Variants in CACNA1C observed in about 807,000 individuals in gnomAD.
CACNA1C encodes the protein voltage-dependent L-type calcium channel subunit alpha-1C.
In CACNA1C, 30 loss-of-function variants were observed where a neutral mutation model predicts 229.0. That is an observed-to-expected ratio of 0.13 (90% CI 0.10 to 0.18). The LOEUF (loss-of-function observed/expected upper bound fraction) is 0.18, where lower values mean the gene tolerates loss of function less well. Ranked by LOEUF, CACNA1C falls within the 10% of genes least tolerant of loss-of-function variation. The pLI, the probability that CACNA1C is intolerant of heterozygous loss-of-function variation, is 1.00. For missense variants in CACNA1C, 1,658 were observed against 2,845.0 expected (o/e 0.58, Z 9.49); for synonymous variants, 1,114 against 1,132.5 (o/e 0.98, Z 0.33).
At chr12:2,620,178 G>A (rs1732101267) in intron 29 of CACNA1C, among the ~76,000 whole-genome samples, 1 of 152,172 alleles carries the variant, frequency 6.6e-6, no homozygotes, top group South Asian at 2.1e-4. Flanking sequence ...CTGGAGGTCA[G>A]AAAAAGGCTA....
At chr12:2,546,140 C>T (rs986280298) in intron 9 of CACNA1C, among the ~76,000 whole-genome samples, 14 of 150,234 alleles carry the variant, frequency 9.3e-5, no homozygotes, top group South Asian at 2.1e-4. Context: ...CACACTCTTC[C>T]GTGCAGTGGC....
intron 1 of CACNA1C, among the ~76,000 whole-genome samples, chr12:2,107,017 A>C (rs1440976518): frequency 3.2e-5 from 3 of 92,526 alleles, no homozygotes; most frequent in Admixed American, 1.0e-4. Flanking sequence ...CTGGGTGCCC[A>C]CCCCGGGGAG....
At chr12:1,996,104 T>C (rs1438972658) in intron 1 of CACNA1C, among the ~76,000 whole-genome samples, 2 of 152,224 alleles carry the variant, frequency 1.3e-5, no homozygotes, top group Admixed American at 6.5e-5. Flanking sequence ...TCTATTATTC[T>C]AATCCCAACT....
At chr12:1,988,740 T>G (rs1285563424) in intron 1 of CACNA1C, among the ~76,000 whole-genome samples, 1 of 152,232 alleles carries the variant, frequency 6.6e-6, no homozygotes, top group Non-Finnish European at 1.5e-5. Context: ...GCAACTTTTA[T>G]GAAGATGGCC....
At chr12:2,545,827 C>T (rs1599577534) in intron 9 of CACNA1C, among the ~76,000 whole-genome samples, 1 of 152,382 alleles carries the variant, frequency 6.6e-6, no homozygotes, top group Non-Finnish European at 1.5e-5. Context: ...AGAGGCACAG[C>T]TCATGCCAGT....
At chr12:2,452,969 G>A (rs1286931109) in intron 4 of CACNA1C, among the ~76,000 whole-genome samples, 2 of 152,132 alleles carry the variant, frequency 1.3e-5, no homozygotes, top group East Asian at 1.9e-4. Context: ...CCCCATCCTG[G>A]CAACTTCTGC....
At chr12:2,471,516 G>C (rs1567882520) in intron 5 of CACNA1C, among the ~76,000 whole-genome samples, 1 of 152,184 alleles carries the variant, frequency 6.6e-6, no homozygotes, top group Non-Finnish European at 1.5e-5. Context: ...TCTGCTGCTG[G>C]AGAATTAGCT....
chr12:2,493,121 A>G lies in CACNA1C; in HGVS notation c.917-69A>G. The G allele has an allele frequency of 4.4e-6, 6 of 1,369,206 alleles. No homozygotes were observed. The highest frequency in any genetic ancestry group is 6.2e-6 in the Non-Finnish European group (6 of 966,364). The allele number at this position is 1,369,206 out of a possible 1,614,324, so 84.8% of individuals were successfully genotyped here. A position where few individuals can be genotyped will look rare whatever the true frequency, so the allele number is the denominator to read the frequency against. ...CCTCATCCTGTCACTTTTCTCTCTG[A>G]CTTCTTTCTCTGCCCACATCTCTCC... On this transcript the variant is annotated intron_variant, in intron 6 of 46. Transcript: ENST00000399655. The surrounding 1 kb of genome is among the most constrained non-coding windows in gnomAD (Gnocchi z 4.6).
chr12:2,111,949 T>C (rs749169992), intron 1 of CACNA1C, among the ~76,000 whole-genome samples: 5 of 152,096 alleles, frequency 3.3e-5, no homozygotes, highest in South Asian at 4.2e-4. Context: ...AAGAATGTTC[T>C]TGGGGTCAGA....
Position 2,694,061 on chromosome 12 carries a change from C to A in CACNA1C, c.*2862C>A, listed in dbSNP as rs1169227685. 2 of 152,220 alleles carry A rather than the reference C, an allele frequency of 1.3e-5. No individual in the cohort carries two copies. The highest frequency in any genetic ancestry group is 2.9e-5 in the Non-Finnish European group (2 of 68,050). The allele number at this position is 152,220 out of a possible 1,614,324, so 9.4% of individuals were successfully genotyped here. On this transcript the variant is annotated 3_prime_UTR_variant, in exon 47 of 47. Transcript: ENST00000399655. Reference sequence around the variant, plus strand: ...TCCTTTTCACTGCCATCAAGGTCCTCTAGAAATTGAGTTTAGGTATCATCC... The same window carrying A: ...TCCTTTTCACTGCCATCAAGGTCCTATAGAAATTGAGTTTAGGTATCATCC...
chr12:2,427,298 T>A (rs1338379075), intron 3 of CACNA1C, among the ~76,000 whole-genome samples: 1 of 152,208 alleles, frequency 6.6e-6, no homozygotes, highest in African/African-American at 2.4e-5. Context: ...CAGCTGTTCT[T>A]TATTCTAGTA....
intron 1 of CACNA1C, among the ~76,000 whole-genome samples, chr12:2,036,375 T>C (rs557112332): frequency 2.6e-5 from 4 of 152,252 alleles, no homozygotes; most frequent in African/African-American, 9.6e-5. Context: ...AATCAGGCTT[T>C]GTGGGTGCTG....
At chr12:2,490,198 C>T (rs2099713969) in intron 6 of CACNA1C, among the ~76,000 whole-genome samples, 1 of 152,244 alleles carries the variant, frequency 6.6e-6, no homozygotes. Flanking sequence ...CCCTTTCTCT[C>T]TTATTAGTGA....
At chr12:2,607,359 C>G (rs2075812663) in intron 26 of CACNA1C, 1 of 495,212 alleles carries the variant, frequency 2.0e-6, no homozygotes, top group South Asian at 3.7e-5. Flanking sequence ...CAAAAGTGAC[C>G]TTTTTTTAGC....
chr12:2,174,205 G>A (rs1015193770), intron 3 of CACNA1C, among the ~76,000 whole-genome samples: 9 of 152,072 alleles, frequency 5.9e-5, no homozygotes, highest in African/African-American at 1.9e-4. Context: ...GGGCTCTCAG[G>A]CAAGAGAGAA....
At chr12:2,156,716 G>A (rs955279319) in intron 3 of CACNA1C, among the ~76,000 whole-genome samples, 2 of 152,234 alleles carry the variant, frequency 1.3e-5, no homozygotes, top group African/African-American at 2.4e-5. Context: ...ATGAGGGTCA[G>A]ATGCAAGTAC....
At position 2,019,582 on chromosome 12, in the gene CACNA1C, AGAG is replaced by A. The variant is rs1565942022; in HGVS notation, c.139+48382_139+48384del. ...GGAAGGAAGGAAAGAAAAGAAAGAG[AGAG>A]AGAAAGAAAGAGAAGGAAAGAAAGA... On this transcript the variant is annotated intron_variant, in intron 1 of 46. Coordinates refer to the CACNA1C transcript ENST00000682462. Among the ~76,000 whole-genome samples the A allele has an allele frequency of 2.4e-3, 346 of 143,956 alleles. 1 individual carries two copies. Among genetic ancestry groups the A allele is most frequent in the African/African-American group, 8.4e-3 (328 of 39,076 alleles). The allele number at this position is 143,956 out of a possible 152,430, so 94.4% of individuals were successfully genotyped here. A position where few individuals can be genotyped will look rare whatever the true frequency, so the allele number is the denominator to read the frequency against.
At chr12:2,012,634 C>A (rs897060020) in intron 1 of CACNA1C, among the ~76,000 whole-genome samples, 1 of 152,204 alleles carries the variant, frequency 6.6e-6, no homozygotes, top group Non-Finnish European at 1.5e-5. Context: ...AGTTTCTATT[C>A]TCAAGGAATT....
At chr12:2,623,930 G>A (rs538536507) in intron 29 of CACNA1C, among the ~76,000 whole-genome samples, 12 of 152,314 alleles carry the variant, frequency 7.9e-5, no homozygotes, top group Admixed American at 2.0e-4. Flanking sequence ...CAGTGGCTCC[G>A]GAGCCGCCAT....
Sources: allele counts gnomAD v4.1 joint callset (sites outside exome capture counted in the v4.1 genomes callset), GRCh38; gene constraint gnomAD v4.1.1; non-coding constraint Gnocchi (gnomAD v3.1); transcripts MANE v1.5; gene names NCBI Gene and HGNC (gene_info 2026-07-23, HGNC 2026-07-21).